Variants in MAPKAP1 observed in about 807,000 individuals in gnomAD.
MAPKAP1 encodes target of rapamycin complex 2 subunit MAPKAP1.
Under a neutral mutation model 65.7 loss-of-function variants are expected in MAPKAP1, and 20 were observed. That is an observed-to-expected ratio of 0.30 (90% confidence interval 0.21 to 0.44). MAPKAP1 has a LOEUF of 0.44. Ranked by LOEUF, MAPKAP1 falls within the 20% of genes least tolerant of loss-of-function variation. The pLI, the probability that MAPKAP1 is intolerant of heterozygous loss-of-function variation, is 1.00. For synonymous variants in MAPKAP1, 222 were observed against 244.3 expected (o/e 0.91, Z 0.85); for missense variants, 423 against 648.0 (o/e 0.65, Z 3.77).
chr9:125,499,010 G>A (rs1029177826), intron 8 of MAPKAP1, among the ~76,000 whole-genome samples: 2 of 152,142 alleles, frequency 1.3e-5, no homozygotes, highest in Non-Finnish European at 2.9e-5. Context: ...ATTATGTGCT[G>A]TTCTACGAGC....
chr9:125,559,600 G>T, intron 6 of MAPKAP1, 33 bp downstream of exon 6: 2 of 1,572,568 alleles, frequency 1.3e-6, no homozygotes, highest in Non-Finnish European at 1.7e-6. Context: ...GTTGGGATGA[G>T]ATACCGAGAG....
chr9:125,442,152 A>AG, intron 11 of MAPKAP1, among the ~76,000 whole-genome samples: 1 of 151,650 alleles, frequency 6.6e-6, no homozygotes, highest in Non-Finnish European at 1.5e-5. Flanking sequence ...AAAAAAAAAA[A>AG]AAATCAGAGG....
chr9:125,631,014 T>C (rs1245133630), intron 4 of MAPKAP1, among the ~76,000 whole-genome samples: 8 of 151,968 alleles, frequency 5.3e-5, no homozygotes. Context: ...GAAGGACTGC[T>C]TGAGCCCAAG....
intron 7 of MAPKAP1, among the ~76,000 whole-genome samples, chr9:125,514,453 A>T (rs920324770): frequency 6.6e-6 from 1 of 152,270 alleles, no homozygotes; most frequent in South Asian, 2.1e-4. Context: ...GTAGCATCAC[A>T]TGTCCTTTGA....
chr9:125,580,684 A>T lies in MAPKAP1; in HGVS notation c.671+4871T>A, dbSNP rs1013742227. Reference sequence around the variant, plus strand: ...ATGTACCCTAGAACTTAAAAGTATAAAAAAAAAAAAGACTATAGACATTAC... The same window carrying T: ...ATGTACCCTAGAACTTAAAAGTATATAAAAAAAAAAGACTATAGACATTAC... On this transcript the variant is annotated intron_variant, in intron 5 of 11. Coordinates refer to ENST00000265960, the MANE Select transcript of MAPKAP1 (RefSeq NM_001006617.3). Among the ~76,000 whole-genome samples, 10 of 38,236 alleles carry T rather than the reference A, an allele frequency of 2.6e-4. 1 individual carries two copies. The highest frequency in any genetic ancestry group is 1.4e-3 in the South Asian group (1 of 740). 25.1% of individuals were successfully genotyped at this position (38,236 alleles called of 152,430 possible).
intron 4 of MAPKAP1, among the ~76,000 whole-genome samples, chr9:125,639,274 C>T (rs1833511105): frequency 6.6e-6 from 1 of 151,918 alleles, no homozygotes; most frequent in Admixed American, 6.6e-5. Flanking sequence ...AAACAAAAAA[C>T]CACTATCTGG....
rs144874391 is a variant in MAPKAP1 at position 125,653,528 on chromosome 9, T to C, written c.498+4123A>G. 1.7e-3 allele frequency among the ~76,000 whole-genome samples: 259 copies of C among 152,312 alleles called. 1 individual carries two copies. The highest frequency in any genetic ancestry group is 5.8e-3 in the African/African-American group (243 of 41,568). On this transcript the variant is annotated intron_variant, in intron 4 of 11. Coordinates refer to ENST00000265960, the MANE Select transcript of MAPKAP1 (RefSeq NM_001006617.3). ...TGTCTCACATGAGGGCCTTGTGACC[T>C]GCTTAGGGGAGAAGGGCAGGGGAAG...
At chr9:125,638,128 G>C (rs1244268700) in intron 4 of MAPKAP1, among the ~76,000 whole-genome samples, 3 of 152,184 alleles carry the variant, frequency 2.0e-5, no homozygotes, top group Non-Finnish European at 4.4e-5. Context: ...AAATTGGAAA[G>C]TGTCTGAGGG....
At chr9:125,551,945 C>T (rs963188666) in intron 6 of MAPKAP1, among the ~76,000 whole-genome samples, 1 of 152,186 alleles carries the variant, frequency 6.6e-6, no homozygotes, top group Admixed American at 6.5e-5. Flanking sequence ...TTGGTCACTG[C>T]TGGCAAGAAA....
At chr9:125,516,798 G>A (rs1351323068) in intron 7 of MAPKAP1, among the ~76,000 whole-genome samples, 2 of 152,208 alleles carry the variant, frequency 1.3e-5, no homozygotes, top group Non-Finnish European at 2.9e-5. Flanking sequence ...CACAGATTAT[G>A]TGTAACACAA....
chr9:125,546,104 C>T (rs948947624), intron 6 of MAPKAP1, among the ~76,000 whole-genome samples: 9 of 152,268 alleles, frequency 5.9e-5, no homozygotes, highest in East Asian at 3.9e-4. Flanking sequence ...TTACAGCCTC[C>T]GTGCTGAAGC....
At chr9:125,615,880 C>A (rs898403037) in intron 4 of MAPKAP1, among the ~76,000 whole-genome samples, 13 of 150,366 alleles carry the variant, frequency 8.6e-5, no homozygotes, top group Admixed American at 8.6e-4. Flanking sequence ...CGCTGCTGCA[C>A]TCCAGCCTGG....
At chr9:125,636,226 G>T (rs1833419400) in intron 4 of MAPKAP1, among the ~76,000 whole-genome samples, 1 of 152,072 alleles carries the variant, frequency 6.6e-6, no homozygotes, top group African/African-American at 2.4e-5. Flanking sequence ...CCAAGCCAAA[G>T]GCAGAAAACA....
At chr9:125,591,557 T>C (rs759795733) in intron 4 of MAPKAP1, among the ~76,000 whole-genome samples, 13 of 152,364 alleles carry the variant, frequency 8.5e-5, no homozygotes, top group Non-Finnish European at 1.6e-4. Flanking sequence ...ATGAATATGA[T>C]AGATACTTAT....
At chr9:125,521,705 A>G (rs1274632503) in intron 7 of MAPKAP1, 9 of 1,609,222 alleles carry the variant, frequency 5.6e-6, no homozygotes, top group Non-Finnish European at 7.6e-6. Context: ...AGCAGTTCAA[A>G]CCCATTTTCC....
intron 3 of MAPKAP1, among the ~76,000 whole-genome samples, chr9:125,662,905 G>A (rs1356307818): frequency 6.6e-6 from 1 of 151,990 alleles, no homozygotes; most frequent in African/African-American, 2.4e-5. Context: ...ATAGTAGCTG[G>A]GATTTGCTTA....
intron 4 of MAPKAP1, among the ~76,000 whole-genome samples, chr9:125,647,539 C>T (rs1474639142): frequency 7.2e-5 from 11 of 152,212 alleles, no homozygotes; most frequent in Non-Finnish European, 2.9e-5. Flanking sequence ...ATCACATTTG[C>T]TCTCTGGTTT....
At chr9:125,676,844 A>C (rs1229483406) in intron 1 of MAPKAP1, among the ~76,000 whole-genome samples, 1 of 152,232 alleles carries the variant, frequency 6.6e-6, no homozygotes, top group African/African-American at 2.4e-5. Flanking sequence ...AGGAAACACC[A>C]GATTCAACCA....
At chr9:125,466,853 A>G (rs921414201) in intron 10 of MAPKAP1, among the ~76,000 whole-genome samples, 2 of 152,048 alleles carry the variant, frequency 1.3e-5, no homozygotes, top group African/African-American at 4.8e-5. Context: ...AAAATTAAAC[A>G]CCCACCCATA....
Sources: gnomAD v4.1 joint callset for allele counts (sites outside exome capture counted in the v4.1 genomes callset) on GRCh38, gnomAD v4.1.1 for gene constraint, MANE v1.5 for transcripts, NCBI Gene and HGNC (gene_info 2026-07-23, HGNC 2026-07-21) for gene names.